The following SEZ6L variants were observed in gnomAD, a reference collection of about 807,000 sequenced individuals.
SEZ6L encodes the protein seizure related 6 homolog like.
In SEZ6L, 37 loss-of-function variants were observed where a neutral mutation model predicts 106.2. That is an observed-to-expected ratio of 0.35 (90% CI 0.27 to 0.46). The LOEUF is 0.46. Ranked by LOEUF, SEZ6L falls within the 20% of genes least tolerant of loss-of-function variation. SEZ6L has a pLI of 1.00. For missense variants in SEZ6L, 1,172 were observed against 1,332.8 expected (o/e 0.88, Z 1.88); for synonymous variants, 541 against 570.4 (o/e 0.95, Z 0.73).
chr22:26,207,447 T>C (rs1294067165), intron 1 of SEZ6L, among the ~76,000 whole-genome samples: 1 of 152,224 alleles, frequency 6.6e-6, no homozygotes. Flanking sequence ...CAGGATCAGA[T>C]GAAATAATTC....
At chr22:26,230,092 C>T (rs765621403) in intron 1 of SEZ6L, among the ~76,000 whole-genome samples, 3 of 152,180 alleles carry the variant, frequency 2.0e-5, no homozygotes, top group South Asian at 2.1e-4. Context: ...GAGGCTAAGC[C>T]GTGGCCCTGG....
intron 1 of SEZ6L, among the ~76,000 whole-genome samples, chr22:26,289,594 T>C (rs2081043989): frequency 6.6e-6 from 1 of 152,208 alleles, no homozygotes; most frequent in South Asian, 2.1e-4. Context: ...CCACTCACGC[T>C]GCTCCCAGAT....
chr22:26,365,513 G>T lies in SEZ6L; in HGVS notation c.2741G>T (p.Arg914Leu), dbSNP rs752023482. 3 of 1,614,108 alleles carry T rather than the reference G, an allele frequency of 1.9e-6. No individual in the cohort carries two copies. Among genetic ancestry groups the T allele is most frequent in the East Asian group, 2.2e-5 (1 of 44,866 alleles). ...GAGCTCATGGGTGAAGTGACCATCC[G>T]CTGCATCCTGGGACAGCCATCCCAC... is the stretch of plus-strand genomic sequence containing the variant. ...GFELMGEVTIRCILGQPSHWN... is the reference protein window; with the variant it reads ...GFELMGEVTILCILGQPSHWN... The change falls in exon 13 of 17, where the codon CGC becomes CTC. Residue 914 changes from arginine to leucine, a missense_variant. Arg to Leu is a moderately radical substitution (Grantham distance 102). Around this residue, in one of 4 missense-constraint regions of SEZ6L, gnomAD observed 141 missense variants for 176.0 expected, o/e 0.80. Transcript: ENST00000248933.
In SEZ6L at chr22:26,297,374, C is replaced by T. The variant is rs137212; in HGVS notation, c.1162+294C>T. On this transcript the variant is annotated intron_variant, in intron 4 of 16. Coordinates refer to ENST00000248933, the MANE Select transcript of SEZ6L (RefSeq NM_021115.5). ...TTCTAGTAGTTCTTATAATTGCTGA[C>T]ATTTCAAAGTACTAAGGAGCATAAG... Among the ~76,000 whole-genome samples, 1,381 of 152,170 alleles carry T rather than the reference C, an allele frequency of 9.1e-3. 18 individuals carry two copies. The highest frequency in any genetic ancestry group is 0.059 in the East Asian group (306 of 5,186).
At chr22:26,304,634 G>A (rs1179492022) in intron 5 of SEZ6L, among the ~76,000 whole-genome samples, 1 of 152,042 alleles carries the variant, frequency 6.6e-6, no homozygotes. Flanking sequence ...GATGATTCTG[G>A]TAAGAAATTT....
intron 1 of SEZ6L, among the ~76,000 whole-genome samples, chr22:26,262,279 T>TCTATCTATCTATCTATCTATCTAC (rs1435790584): frequency 1.3e-5 from 2 of 151,462 alleles, no homozygotes; most frequent in African/African-American, 4.9e-5. Flanking sequence ...TATCTATCTA[T>TCTATCTATCTATCTATCTATCTAC]CTATCTCTTT....
At chr22:26,314,133 T>A (rs1363316944) in intron 9 of SEZ6L, among the ~76,000 whole-genome samples, 1 of 151,844 alleles carries the variant, frequency 6.6e-6, no homozygotes, top group African/African-American at 2.4e-5. Flanking sequence ...AGAGTCCCTA[T>A]CTTTGGGAAA....
chr22:26,294,343 A>G lies in SEZ6L; in HGVS notation c.887A>G (p.Asp296Gly), dbSNP rs372813703. ...CCTGAGGGGTACATTGACTCCAGCG[A>G]CTACCCACTGCTGCCCCTCAACAAC... ...SNPEGYIDSS[D>G]YPLLPLNNFL... is the part of the protein sequence containing the mutation. Residue 296 changes from aspartate to glycine, a missense_variant, in exon 3 of 17, where the codon GAC becomes GGC. By Grantham distance (94) the Asp-to-Gly change is moderately conservative. This residue lies in a region of SEZ6L where 494 missense variants were observed against 445.8 expected (regional missense o/e 1.11). Transcript: ENST00000248933. 1.2e-6 allele frequency: 2 copies of G among 1,613,944 alleles called. No homozygotes were observed. The highest frequency in any genetic ancestry group is 1.7e-5 in the Admixed American group (1 of 59,990).
rs1237081955 is a variant in SEZ6L, at chr22:26,205,223, T to C, written c.94+35460T>C. ...GTCCATCAACTTAAACACTGCCAAT[T>C]ACCAACGCCTTCCTGGCATTCAAGG... On this transcript the variant is annotated intron_variant, in intron 1 of 16. Transcript: ENST00000248933. Among the ~76,000 whole-genome samples the C allele has an allele frequency of 2.0e-5, 3 of 152,222 alleles. No homozygotes were observed. The East Asian group carries it at 5.8e-4, about 29-fold the overall frequency.
intron 1 of SEZ6L, among the ~76,000 whole-genome samples, chr22:26,200,483 C>A (rs1327872289): frequency 1.3e-5 from 2 of 152,166 alleles, no homozygotes; most frequent in East Asian, 1.9e-4. Context: ...CTTGTGGAAT[C>A]CCCACCAGCC....
chr22:26,248,840 G>T (rs1052641238), intron 1 of SEZ6L, among the ~76,000 whole-genome samples: 1 of 152,222 alleles, frequency 6.6e-6, no homozygotes, highest in Non-Finnish European at 1.5e-5. Flanking sequence ...CTGCTGCAAA[G>T]CTGGTACAAA....
chr22:26,310,589 G>A lies in SEZ6L; in HGVS notation c.1515-81G>A, dbSNP rs1429938886. ...ATCCGGTAATGAGGCTCCAGAGGCA[G>A]TCGTAGCACATCCCTTCCTCTGCCA... On this transcript the variant is annotated intron_variant, in intron 6 of 16. Coordinates refer to ENST00000248933, the MANE Select transcript of SEZ6L (RefSeq NM_021115.5). 4 of 1,495,312 alleles carry A rather than the reference G, an allele frequency of 2.7e-6. No homozygotes were observed. The African/African-American group carries it at 5.5e-5, about 21-fold the overall frequency. The allele number at this position is 1,495,312 out of a possible 1,614,324, so 92.6% of individuals were successfully genotyped here.
At chr22:26,298,793 GA>G (rs2081370344) in intron 4 of SEZ6L, among the ~76,000 whole-genome samples, 190 bp from the exon 5 acceptor site, 1 of 152,146 alleles carries the variant, frequency 6.6e-6, no homozygotes, top group African/African-American at 2.4e-5. Flanking sequence ...TAAGTCCCAA[GA>G]AAGTGCTAAC....
intron 1 of SEZ6L, among the ~76,000 whole-genome samples, chr22:26,279,852 C>A (rs530567201): frequency 1.6e-4 from 25 of 152,246 alleles, no homozygotes; most frequent in African/African-American, 6.0e-4. Context: ...TTCCCTGCTC[C>A]CCACGGAAAT....
In SEZ6L at chr22:26,180,459, G is replaced by T. The variant is rs542467830; in HGVS notation, c.94+10696G>T. ...CTTAGCTATTCAGTTGAATAAATGA[G>T]TGAATGGATGAATCAATGAATGAAT... On this transcript the variant is annotated intron_variant, in intron 1 of 16. Transcript: ENST00000248933. 3.0e-4 allele frequency among the ~76,000 whole-genome samples: 46 copies of T among 152,314 alleles called. 1 individual carries two copies. The highest frequency in any genetic ancestry group is 3.4e-3 in the Middle Eastern group (1 of 294).
At chr22:26,170,829 G>T (rs1938544915) in intron 1 of SEZ6L, among the ~76,000 whole-genome samples, 1 of 152,252 alleles carries the variant, frequency 6.6e-6, no homozygotes, top group African/African-American at 2.4e-5. Flanking sequence ...TGCAGGGTCT[G>T]CCCAGGCTGA....
At chr22:26,332,678 A>G (rs2082524521) in intron 9 of SEZ6L, among the ~76,000 whole-genome samples, 2 of 150,532 alleles carry the variant, frequency 1.3e-5, no homozygotes, top group African/African-American at 4.9e-5. Flanking sequence ...GAACTCCTGA[A>G]CTCAAGTGAT....
intron 1 of SEZ6L, among the ~76,000 whole-genome samples, chr22:26,237,259 C>T (rs138600059): frequency 2.0e-5 from 3 of 152,340 alleles, no homozygotes; most frequent in South Asian, 2.1e-4. Flanking sequence ...CTCTAATTCA[C>T]GTTAGCCACT....
Position 26,299,121 on chromosome 22 carries a change from A to C in SEZ6L, c.1300A>C (p.Ile434Leu). The change falls in exon 5 of 17, where the codon ATC (isoleucine) becomes CTC (leucine). Residue 434 changes from isoleucine (I) to leucine (L), a missense_variant. Ile to Leu is a conservative substitution (Grantham distance 5). Transcript: ENST00000248933. ...ELQGAKMLTC[I>L]NASKPHWSSQ... ...CCAGGGCGCTAAGATGCTGACATGC[A>C]TCAATGCCTCCAAGCCGCACTGGAG... The C allele has an allele frequency of 2.5e-6, 4 of 1,598,430 alleles. No individual in the cohort carries two copies. The highest frequency in any genetic ancestry group is 3.4e-6 in the Non-Finnish European group (4 of 1,172,552).
Sources: allele counts gnomAD v4.1 joint callset (sites outside exome capture counted in the v4.1 genomes callset), GRCh38; gene constraint gnomAD v4.1.1; regional missense constraint gnomAD v4.1.1; transcripts MANE v1.5; gene names NCBI Gene and HGNC (gene_info 2026-07-23, HGNC 2026-07-21).